MAPKAP1: variants seen among roughly 807,000 people sequenced by gnomAD.
MAPKAP1 encodes MAPK associated protein 1, also known as target of rapamycin complex 2 subunit MAPKAP1.
A neutral mutation model predicts 65.7 loss-of-function variants in MAPKAP1; 20 were observed. The ratio of observed to expected loss-of-function variants is 0.30; its 90% CI spans 0.21 to 0.44. The LOEUF (loss-of-function observed/expected upper bound fraction) is 0.44. Among genes scored for constraint, MAPKAP1 ranks in the 20% least tolerant of loss-of-function variants. MAPKAP1 has a pLI of 1.00. For missense variants in MAPKAP1, 423 were observed against 648.0 expected, an observed-to-expected ratio of 0.65 and a Z score of 3.77; for synonymous variants, 222 against 244.3, an observed-to-expected ratio of 0.91 and a Z score of 0.85.
At chr9:125,675,721 G>A (rs972649902) in intron 1 of MAPKAP1, among the ~76,000 whole-genome samples, 1 of 152,108 alleles carries the variant, frequency 6.6e-6, no homozygotes, top group Non-Finnish European at 1.5e-5. Context: ...ATTCCTTCTG[G>A]CAACAAAGGC....
At position 125,648,913 on chromosome 9, in the gene MAPKAP1, C is replaced by T. The variant is rs142509291; in HGVS notation, c.498+8738G>A. 2.7e-4 allele frequency among the ~76,000 whole-genome samples: 41 copies of T among 151,918 alleles called. No individual in the cohort carries two copies. In the East Asian group the frequency reaches 7.7e-3, roughly 29 times the overall value. ...CCAAGATCACACCACTGCACTCCAG[C>T]CTAGGCGACAGAGACTCTGACTCAA... On this transcript the variant is annotated intron_variant, in intron 4 of 11. Transcript: ENST00000265960.
chr9:125,661,215 A>C (rs914787812), intron 3 of MAPKAP1, among the ~76,000 whole-genome samples: 1 of 152,132 alleles, frequency 6.6e-6, no homozygotes, highest in African/African-American at 2.4e-5. Flanking sequence ...GGACATAGAC[A>C]CTCTGTATGT....
chr9:125,646,654 T>C (rs959202132), intron 4 of MAPKAP1, among the ~76,000 whole-genome samples: 4 of 152,216 alleles, frequency 2.6e-5, no homozygotes, highest in East Asian at 1.9e-4. Flanking sequence ...GTTTTAAAGC[T>C]AGAAACCTAA....
chr9:125,579,352 C>T (rs930884436), intron 5 of MAPKAP1, among the ~76,000 whole-genome samples: 2 of 152,234 alleles, frequency 1.3e-5, no homozygotes, highest in Non-Finnish European at 2.9e-5. Context: ...AGTGCAATGG[C>T]GTGATCTCAG....
intron 4 of MAPKAP1, among the ~76,000 whole-genome samples, chr9:125,586,824 T>C (rs970944045): frequency 4.6e-5 from 7 of 152,172 alleles, no homozygotes; most frequent in African/African-American, 1.7e-4. Flanking sequence ...GAATGCTTGA[T>C]TGTCCCTCAC....
chr9:125,597,487 A>G (rs1832173087), intron 4 of MAPKAP1, among the ~76,000 whole-genome samples: 1 of 152,190 alleles, frequency 6.6e-6, no homozygotes. Flanking sequence ...AGTTAGCTGA[A>G]TTAAGTCTTA....
chr9:125,456,340 T>C lies in MAPKAP1; in HGVS notation c.1345+11632A>G, dbSNP rs181183859. Among the ~76,000 whole-genome samples the C allele has an allele frequency of 2.3e-4, 35 of 152,346 alleles. 1 individual carries two copies. The East Asian group carries it at 6.4e-3, about 28-fold the overall frequency. On this transcript the variant is annotated intron_variant, in intron 10 of 11. Transcript: ENST00000265960. ...ATCACCAAGACTACAATTACATATA[T>C]GTTAGAACACTTGCTATGACTCCAA...
chr9:125,489,087 A>G (rs1401287708), intron 8 of MAPKAP1, among the ~76,000 whole-genome samples: 1 of 152,252 alleles, frequency 6.6e-6, no homozygotes, highest in African/African-American at 2.4e-5. Context: ...CAACCTTCAC[A>G]TTAAAAAGTC....
At chr9:125,517,823 A>G (rs1453475071) in intron 7 of MAPKAP1, among the ~76,000 whole-genome samples, 1 of 152,190 alleles carries the variant, frequency 6.6e-6, no homozygotes, top group Non-Finnish European at 1.5e-5. Context: ...GTCAGAATTA[A>G]GAGCTCTTTC....
chr9:125,458,421 A>T (rs945617114), intron 10 of MAPKAP1, among the ~76,000 whole-genome samples: 10 of 151,944 alleles, frequency 6.6e-5, no homozygotes, highest in Non-Finnish European at 1.3e-4. Flanking sequence ...GATGACTCTT[A>T]ACGAGCATGC....
At position 125,606,520 on chromosome 9, in the gene MAPKAP1, CT is replaced by C. The variant is rs1409657643; in HGVS notation, c.499-20794del. On this transcript the variant is annotated intron_variant, in intron 4 of 11. Coordinates refer to ENST00000265960, the MANE Select transcript of MAPKAP1 (RefSeq NM_001006617.3). ...CCTCCCCTATAAAGGATTTTAGCCC[CT>C]ATCTTCAATATTATAGGGAAACTGA... Among the ~76,000 whole-genome samples, 5 of 152,288 alleles carry C rather than the reference CT, an allele frequency of 3.3e-5. No individual in the cohort carries two copies. In the East Asian group the frequency reaches 7.7e-4, roughly 24 times the overall value.
In MAPKAP1 at chr9:125,438,246, C is replaced by T. The variant is rs1396111217; in HGVS notation, c.*641G>A. On this transcript the variant is annotated 3_prime_UTR_variant, in exon 12 of 12. Coordinates refer to ENST00000265960, the MANE Select transcript of MAPKAP1 (RefSeq NM_001006617.3). ...GGAAAGTGACACGGCCTTGGACACA[C>T]CACTAGGTCTCTGTTCCTAACTTTT... is the stretch of plus-strand genomic sequence containing the variant. 2 of 396,636 alleles carry T rather than the reference C, an allele frequency of 5.0e-6. No homozygotes were observed. Among genetic ancestry groups the T allele is most frequent in the Non-Finnish European group, 8.9e-6 (2 of 225,288 alleles). 24.6% of individuals were successfully genotyped at this position (396,636 alleles called of 1,614,324 possible).
At chr9:125,661,074 T>G (rs1256601729) in intron 3 of MAPKAP1, among the ~76,000 whole-genome samples, 1 of 152,048 alleles carries the variant, frequency 6.6e-6, no homozygotes, top group Non-Finnish European at 1.5e-5. Flanking sequence ...GACAAAAATA[T>G]GAAATGTTCA....
intron 4 of MAPKAP1, among the ~76,000 whole-genome samples, chr9:125,632,714 T>G (rs889121679): frequency 2.0e-5 from 3 of 152,202 alleles, no homozygotes; most frequent in Admixed American, 2.0e-4. Context: ...AATGTTCTCA[T>G]TCAGGTCCCT....
At chr9:125,529,829 C>G (rs543659855) in intron 7 of MAPKAP1, among the ~76,000 whole-genome samples, 57 of 152,312 alleles carry the variant, frequency 3.7e-4, no homozygotes, top group African/African-American at 1.3e-3. Context: ...ATGCCATTTT[C>G]CTGATTTTAA....
intron 6 of MAPKAP1, among the ~76,000 whole-genome samples, chr9:125,546,339 C>T (rs1830423695): frequency 6.6e-6 from 1 of 152,202 alleles, no homozygotes; most frequent in East Asian, 1.9e-4. Flanking sequence ...CCGCTCCTTT[C>T]CCTCCAGACG....
At chr9:125,562,088 G>A (rs565441992) in intron 5 of MAPKAP1, among the ~76,000 whole-genome samples, 1 of 152,272 alleles carries the variant, frequency 6.6e-6, no homozygotes, top group African/African-American at 2.4e-5. Context: ...TCAACCTGAG[G>A]AATGTTTGAT....
At chr9:125,624,779 C>T (rs1185657044) in intron 4 of MAPKAP1, among the ~76,000 whole-genome samples, 3 of 83,366 alleles carry the variant, frequency 3.6e-5, no homozygotes, top group Non-Finnish European at 5.1e-5. Flanking sequence ...ATGACAATGG[C>T]GGCTTTGTGG....
At chr9:125,478,704 A>C (rs1854196863) in intron 9 of MAPKAP1, among the ~76,000 whole-genome samples, 1 of 152,082 alleles carries the variant, frequency 6.6e-6, no homozygotes, top group Admixed American at 6.5e-5. Context: ...TATGGGACTG[A>C]GTTTCTGCCT....
Sources: allele counts gnomAD v4.1 joint callset (sites outside exome capture counted in the v4.1 genomes callset), GRCh38; gene constraint gnomAD v4.1.1; transcripts MANE v1.5; gene names NCBI Gene and HGNC (gene_info 2026-07-23, HGNC 2026-07-21).